Variants in TMC1 observed in about 807,000 individuals in gnomAD.
TMC1 encodes the protein transmembrane channel-like protein 1.
TMC1 carries 84 observed loss-of-function variants against 105.8 expected under a neutral mutation model. That is an observed-to-expected ratio of 0.79 (90% confidence interval 0.67 to 0.95). The LOEUF is 0.95. Among genes scored for constraint, TMC1 ranks in the 40% least tolerant of loss-of-function variants. The probability of loss-of-function intolerance (pLI) is 0.00; values close to 1 mark genes in which losing one functional copy is unlikely to be tolerated. For synonymous variants in TMC1, 315 were observed against 311.5 expected (o/e 1.01, Z -0.12); for missense variants, 817 against 914.1 (o/e 0.89, Z 1.37).
intron 14 of TMC1, among the ~76,000 whole-genome samples, chr9:72,788,813 A>C (rs969702040): frequency 6.6e-6 from 1 of 152,176 alleles, no homozygotes; most frequent in African/African-American, 2.4e-5. Flanking sequence ...TAAGCATAAT[A>C]TTGAAGTGAC....
chr9:72,572,681 A>C (rs1222809228), intron 1 of TMC1, among the ~76,000 whole-genome samples: 2 of 151,834 alleles, frequency 1.3e-5, no homozygotes, highest in Non-Finnish European at 2.9e-5. Flanking sequence ...GTCAAAACTT[A>C]CTCTTTTTTA....
chr9:72,768,287 C>T (rs1284950961), intron 12 of TMC1, among the ~76,000 whole-genome samples: 4 of 149,396 alleles, frequency 2.7e-5, no homozygotes, highest in African/African-American at 7.4e-5. Context: ...AACGCATGGA[C>T]ACAAGGAAGG....
rs1375815519 is a variant in TMC1 at position 72,793,008 on chromosome 9, A to T, written c.1566+656A>T. ...GGTGAGTGAATGCACGACCTTGGGA[A>T]CCCATACTTCTCCCGTGGATCTTTG... On this transcript the variant is annotated intron_variant, in intron 17 of 23. Coordinates refer to ENST00000297784, the MANE Select transcript of TMC1 (RefSeq NM_138691.3). 2.6e-5 allele frequency among the ~76,000 whole-genome samples: 4 copies of T among 152,084 alleles called. No homozygotes were observed. The East Asian group carries it at 7.7e-4, about 29-fold the overall frequency.
At chr9:72,774,259 A>G (rs1474429212) in intron 13 of TMC1, among the ~76,000 whole-genome samples, 2 of 152,210 alleles carry the variant, frequency 1.3e-5, no homozygotes, top group African/African-American at 4.8e-5. Context: ...CAAGCCACAT[A>G]TATAAGTTTA....
At position 72,727,808 on chromosome 9, in the gene TMC1, C is replaced by G. The variant is rs541346833; in HGVS notation, c.363-12311C>G. Among the ~76,000 whole-genome samples, 4 of 152,198 alleles carry G rather than the reference C, an allele frequency of 2.6e-5. No homozygotes were observed. In the East Asian group the frequency reaches 7.7e-4, roughly 29 times the overall value. ...CTGGAACTCTGCAGCCTACATAATA[C>G]TATCCCTACCTTCAGGTATTAGTGT... On this transcript the variant is annotated intron_variant, in intron 8 of 23. Transcript: ENST00000297784.
At chr9:72,787,658 T>TAC (rs1554727698) in intron 13 of TMC1, among the ~76,000 whole-genome samples, 14 of 151,256 alleles carry the variant, frequency 9.3e-5, no homozygotes, top group South Asian at 6.2e-4. Flanking sequence ...TATATATATA[T>TAC]ACACACATAT....
chr9:72,661,569 T>C (rs958559978), intron 5 of TMC1, among the ~76,000 whole-genome samples: 1 of 152,216 alleles, frequency 6.6e-6, no homozygotes, highest in Non-Finnish European at 1.5e-5. Flanking sequence ...ACATAGTTTC[T>C]CCCTTTCATA....
At chr9:72,745,335 A>T (rs1322689015) in intron 10 of TMC1, among the ~76,000 whole-genome samples, 2 of 152,282 alleles carry the variant, frequency 1.3e-5, no homozygotes, top group South Asian at 4.1e-4. Flanking sequence ...TTCAAAACGT[A>T]TGCTTTTCCA....
At chr9:72,757,959 T>C (rs1827698461) in intron 12 of TMC1, among the ~76,000 whole-genome samples, 1 of 152,094 alleles carries the variant, frequency 6.6e-6, no homozygotes, top group Admixed American at 6.6e-5. Flanking sequence ...AACAAAGAAG[T>C]AAATACATAA....
At chr9:72,607,775 G>C (rs2132117118) in intron 2 of TMC1, 1 of 151,806 alleles carries the variant, frequency 6.6e-6, no homozygotes, top group Non-Finnish European at 1.5e-5. Context: ...GTGAGACCCT[G>C]TCTCTACAAA....
Position 72,760,097 on chromosome 9 carries a change from T to A in TMC1, c.741+5213T>A, listed in dbSNP as rs190813685. Among the ~76,000 whole-genome samples, 436 of 152,312 alleles carry A rather than the reference T, an allele frequency of 2.9e-3. 2 individuals carry two copies. Among genetic ancestry groups the A allele is most frequent in the African/African-American group, 9.3e-3 (388 of 41,572 alleles). On this transcript the variant is annotated intron_variant, in intron 12 of 23. Coordinates refer to ENST00000297784, the MANE Select transcript of TMC1 (RefSeq NM_138691.3). ...TTCTTTTTGTATCATTTAAATATTA[T>A]GCTTTATTAAAATATTCATAATGGA...
intron 1 of TMC1, among the ~76,000 whole-genome samples, chr9:72,547,822 G>A (rs904064534): frequency 8.5e-5 from 13 of 152,118 alleles, no homozygotes; most frequent in African/African-American, 1.7e-4. Context: ...TAGTCCACTC[G>A]GGATGCTTTA....
intron 15 of TMC1, among the ~76,000 whole-genome samples, chr9:72,790,868 A>G (rs1217193943): frequency 2.0e-5 from 3 of 152,178 alleles, no homozygotes; most frequent in South Asian, 4.1e-4. Context: ...TCATACTTAT[A>G]TAATGTTTTA....
At chr9:72,696,841 A>G (rs1459816149) in intron 7 of TMC1, among the ~76,000 whole-genome samples, 2 of 152,194 alleles carry the variant, frequency 1.3e-5, no homozygotes, top group Non-Finnish European at 2.9e-5. Flanking sequence ...GTTTAAATAT[A>G]TCAAACTTAA....
At chr9:72,643,732 A>G (rs1825664763) in intron 4 of TMC1, among the ~76,000 whole-genome samples, 1 of 152,184 alleles carries the variant, frequency 6.6e-6, no homozygotes, top group Admixed American at 6.5e-5. Flanking sequence ...TGGCTGTGAC[A>G]AAGATTCATG....
chr9:72,522,752 G>A (rs1823335429), intron 1 of TMC1, among the ~76,000 whole-genome samples: 1 of 152,190 alleles, frequency 6.6e-6, no homozygotes, highest in African/African-American at 2.4e-5. Flanking sequence ...AAACTGTTTG[G>A]ATTCCTTCCT....
intron 8 of TMC1, among the ~76,000 whole-genome samples, chr9:72,721,783 A>G (rs1827030223): frequency 6.6e-6 from 1 of 152,200 alleles, no homozygotes; most frequent in African/African-American, 2.4e-5. Flanking sequence ...AGCAGAATTC[A>G]GTGGTCTCAA....
In TMC1 at chr9:72,725,280, A is replaced by T. The variant is rs1193352732; in HGVS notation, c.363-14839A>T. Among the ~76,000 whole-genome samples, 4 of 146,192 alleles carry T rather than the reference A, an allele frequency of 2.7e-5. No homozygotes were observed. In the East Asian group the frequency reaches 8.1e-4, roughly 30 times the overall value. On this transcript the variant is annotated intron_variant, in intron 8 of 23. Transcript: ENST00000297784. The stretch of plus-strand genomic sequence containing the variant: ...TCAAATATTGTATTAGGGTTCTCTT[A>T]GACAACTCATAGGATACCCCCACAC...
chr9:72,784,855 C>G (rs879401649), intron 13 of TMC1, among the ~76,000 whole-genome samples: 5 of 152,118 alleles, frequency 3.3e-5, no homozygotes, highest in Non-Finnish European at 5.9e-5. Context: ...ACCAAATAAC[C>G]TCATATTCTC....
Sources: allele counts gnomAD v4.1 joint callset (sites outside exome capture counted in the v4.1 genomes callset), GRCh38; gene constraint gnomAD v4.1.1; transcripts MANE v1.5; gene names NCBI Gene and HGNC (gene_info 2026-07-23, HGNC 2026-07-21).